PKIA: variants seen among roughly 807,000 people sequenced by gnomAD.
PKIA encodes the protein PKI-alpha.
PKIA carries 4 observed loss-of-function variants against 7.6 expected under a neutral mutation model. That is an observed-to-expected ratio of 0.52 (90% CI 0.26 to 1.20). PKIA has a LOEUF of 1.20. Among genes scored for constraint, PKIA ranks in the 50% most tolerant of loss-of-function variants. PKIA has a pLI of 0.13. For missense variants in PKIA, 73 were observed against 86.2 expected (o/e 0.85, Z 0.61); for synonymous variants, 21 against 30.7 (o/e 0.68, Z 1.04).
At chr8:78,524,866 A>G (rs1809512198) in intron 1 of PKIA, among the ~76,000 whole-genome samples, 1 of 152,002 alleles carries the variant, frequency 6.6e-6, no homozygotes, top group South Asian at 2.1e-4. Context: ...AGTATGGTAC[A>G]TGGCTTTAAT....
At chr8:78,541,720 G>A (rs1051989881) in intron 1 of PKIA, among the ~76,000 whole-genome samples, 3 of 151,150 alleles carry the variant, frequency 2.0e-5, no homozygotes, top group Admixed American at 2.0e-4. Flanking sequence ...TTCAACACTT[G>A]TTTTTATGTC....
rs745638212 is a variant in PKIA at position 78,585,676 on chromosome 8, GTT to G, written c.-27-12678_-27-12677del. The stretch of plus-strand genomic sequence containing the variant: ...ATGTTGAAACATGATCATAGCAACT[GTT>G]TTTCTTTTTGGTTGAAAAGAGGCAT... On this transcript the variant is annotated intron_variant, in intron 2 of 3. Transcript: ENST00000396418. Among the ~76,000 whole-genome samples, 129 of 152,214 alleles carry G rather than the reference GTT, an allele frequency of 8.5e-4. 2 individuals carry two copies. The highest frequency in any genetic ancestry group is 6.8e-3 in the Middle Eastern group (2 of 294).
chr8:78,518,212 C>A (rs1263766131), intron 1 of PKIA, among the ~76,000 whole-genome samples: 2 of 152,208 alleles, frequency 1.3e-5, no homozygotes, highest in Non-Finnish European at 2.9e-5. Context: ...GTGGGCAAAG[C>A]CCACTACTGA....
chr8:78,580,272 T>C (rs1279059741), intron 2 of PKIA, among the ~76,000 whole-genome samples: 1 of 152,068 alleles, frequency 6.6e-6, no homozygotes, highest in Non-Finnish European at 1.5e-5. Flanking sequence ...ATATGTAATC[T>C]AGGCTTAATT....
intron 1 of PKIA, among the ~76,000 whole-genome samples, chr8:78,518,608 C>T (rs1049000827): frequency 6.6e-6 from 1 of 152,040 alleles, no homozygotes; most frequent in South Asian, 2.1e-4. Context: ...AGAGCAAGTG[C>T]GTGAGAATAT....
At chr8:78,552,873 T>C (rs1002857656) in intron 1 of PKIA, among the ~76,000 whole-genome samples, 20 of 152,104 alleles carry the variant, frequency 1.3e-4, no homozygotes, top group South Asian at 6.2e-4. Context: ...TATCTCTATT[T>C]TGACCCATTA....
intron 1 of PKIA, among the ~76,000 whole-genome samples, chr8:78,525,245 T>C (rs189468267): frequency 7.2e-5 from 11 of 151,876 alleles, no homozygotes; most frequent in Non-Finnish European, 1.3e-4. Flanking sequence ...GAATGCAAGA[T>C]AGAGATTATA....
intron 2 of PKIA, among the ~76,000 whole-genome samples, chr8:78,592,467 G>A (rs543159387): frequency 6.6e-6 from 1 of 152,160 alleles, no homozygotes; most frequent in South Asian, 2.1e-4. Context: ...TTCAGAATTG[G>A]ATGCACATGG....
intron 2 of PKIA, among the ~76,000 whole-genome samples, chr8:78,580,119 T>C (rs1807770449): frequency 6.6e-6 from 1 of 152,050 alleles, no homozygotes; most frequent in African/African-American, 2.4e-5. Flanking sequence ...AATCATTGAA[T>C]TGTGCTATAT....
intron 1 of PKIA, among the ~76,000 whole-genome samples, chr8:78,550,612 T>C (rs144198340): frequency 7.9e-5 from 12 of 152,202 alleles, no homozygotes; most frequent in African/African-American, 2.9e-4. Context: ...GACACTCCCC[T>C]GATCACCCAT....
At chr8:78,524,200 ATTT>A (rs1809495698) in intron 1 of PKIA, among the ~76,000 whole-genome samples, 5 of 126,910 alleles carry the variant, frequency 3.9e-5, no homozygotes, top group African/African-American at 1.8e-4. Context: ...AAACATTTAT[ATTT>A]ATATATATAT....
intron 2 of PKIA, among the ~76,000 whole-genome samples, chr8:78,575,235 T>C (rs1227791684): frequency 6.6e-6 from 1 of 151,770 alleles, no homozygotes; most frequent in Non-Finnish European, 1.5e-5. Context: ...GAATCAACGC[T>C]GCAGAATCTT....
At chr8:78,570,287 GAT>G (rs1487383442) in intron 1 of PKIA, among the ~76,000 whole-genome samples, 1 of 152,128 alleles carries the variant, frequency 6.6e-6, no homozygotes, top group Non-Finnish European at 1.5e-5. Context: ...CTGAAAAGCA[GAT>G]AGAGAGAAAC....
intron 3 of PKIA, among the ~76,000 whole-genome samples, chr8:78,601,123 T>C (rs1808340177): frequency 1.3e-5 from 2 of 152,050 alleles, no homozygotes; most frequent in African/African-American, 4.8e-5. Flanking sequence ...GGTGCAGTTA[T>C]GAGGGTGGTT....
At chr8:78,592,815 G>T (rs1808133083) in intron 2 of PKIA, among the ~76,000 whole-genome samples, 2 of 151,920 alleles carry the variant, frequency 1.3e-5, no homozygotes, top group Non-Finnish European at 2.9e-5. Context: ...CTCATTTTTG[G>T]TATTTCAAAT....
In PKIA at chr8:78,572,541, G is replaced by GCACACACA. The variant is rs1554582465; in HGVS notation, c.-156-245_-156-238dup. 7.9e-3 allele frequency among the ~76,000 whole-genome samples: 782 copies of GCACACACA among 98,430 alleles called. 1 individual carries two copies. The highest frequency in any genetic ancestry group is 0.016 in the African/African-American group (385 of 24,668). The allele number at this position is 98,430 out of a possible 152,430, so 64.6% of individuals were successfully genotyped here. Reference sequence around the variant, plus strand: ...CACCCCATCACAAAAAAAGCTGCACGCACACACACACACACACACACACAC... The same window carrying GCACACACA: ...CACCCCATCACAAAAAAAGCTGCACGCACACACACACACACACACACACACACACACAC... On this transcript the variant is annotated intron_variant, in intron 1 of 3. Transcript: ENST00000396418.
intron 1 of PKIA, among the ~76,000 whole-genome samples, chr8:78,572,493 AGTC>A (rs1418503330): frequency 6.6e-6 from 1 of 150,566 alleles, no homozygotes; most frequent in Non-Finnish European, 1.5e-5. Context: ...ACTGACTAGT[AGTC>A]AACAGATTTC....
chr8:78,601,878 T>C lies in PKIA; in HGVS notation c.*57T>C. On this transcript the variant is annotated 3_prime_UTR_variant, in exon 4 of 4. Transcript: ENST00000396418. ...AATGTCTCAAATCTCCAGGAGTATC[T>C]GGAATGCATTTGTTTCCATGAGTGA... The C allele has an allele frequency of 2.1e-5, 27 of 1,298,964 alleles. No homozygotes were observed. The highest frequency in any genetic ancestry group is 3.0e-5 in the Non-Finnish European group (27 of 901,288). 80.5% of individuals were successfully genotyped at this position (1,298,964 alleles called of 1,614,324 possible).
intron 3 of PKIA, among the ~76,000 whole-genome samples, chr8:78,601,433 T>A (rs1324863389): frequency 2.0e-5 from 3 of 152,050 alleles, no homozygotes; most frequent in African/African-American, 7.2e-5. Context: ...TATACCTAAG[T>A]GACATGACCT....
Sources: gnomAD v4.1 joint callset for allele counts (sites outside exome capture counted in the v4.1 genomes callset) on GRCh38, gnomAD v4.1.1 for gene constraint, MANE v1.5 for transcripts, NCBI Gene and HGNC (gene_info 2026-07-23, HGNC 2026-07-21) for gene names.